ATG10: variants seen among roughly 807,000 people sequenced by gnomAD.
ATG10 encodes autophagy related 10, also known as ubiquitin-like-conjugating enzyme ATG10.
A neutral mutation model predicts 32.1 loss-of-function variants in ATG10; 30 were observed. That is an observed-to-expected ratio of 0.94 (90% confidence interval 0.70 to 1.27). The LOEUF (loss-of-function observed/expected upper bound fraction) is 1.27. ATG10 is among the 50% of genes most tolerant of loss of function. The probability of loss-of-function intolerance (pLI) is 0.00; values close to 1 mark genes in which losing one functional copy is unlikely to be tolerated. For missense variants in ATG10, 233 were observed against 262.3 expected, an observed-to-expected ratio of 0.89 and a Z score of 0.77; for synonymous variants, 87 against 91.5, an observed-to-expected ratio of 0.95 and a Z score of 0.28.
chr5:81,982,561 T>TTTTA (rs926882561), intron 1 of ATG10, among the ~76,000 whole-genome samples: 9 of 152,076 alleles, frequency 5.9e-5, no homozygotes, highest in East Asian at 3.9e-4. Context: ...TTTTTTCCCC[T>TTTTA]TTTATTTATT....
chr5:81,993,320 T>C (rs60326051), intron 2 of ATG10, among the ~76,000 whole-genome samples: 44,953 of 99,290 alleles, frequency 0.45, 12,340 homozygotes, highest in East Asian at 0.83. Flanking sequence ...CCTTTCTTTC[T>C]TTCTTTCCTT....
intron 4 of ATG10, among the ~76,000 whole-genome samples, chr5:82,177,322 T>TC (rs971246012): frequency 2.6e-5 from 4 of 152,288 alleles, no homozygotes; most frequent in African/African-American, 9.6e-5. Flanking sequence ...TAGTGCTTTT[T>TC]CCCCCAACAT....
intron 3 of ATG10, among the ~76,000 whole-genome samples, chr5:82,066,002 G>A (rs1763933040): frequency 6.6e-6 from 1 of 151,826 alleles, no homozygotes; most frequent in South Asian, 2.1e-4. Context: ...ATCGTGTCCA[G>A]CACTCATCCA....
intron 2 of ATG10, among the ~76,000 whole-genome samples, chr5:82,029,158 G>C (rs981494148): frequency 6.6e-6 from 1 of 152,182 alleles, no homozygotes; most frequent in Non-Finnish European, 1.5e-5. Flanking sequence ...CACTTGTAGA[G>C]TACAATTTAA....
At chr5:82,108,553 T>C (rs1765510162) in intron 3 of ATG10, among the ~76,000 whole-genome samples, 3 of 152,006 alleles carry the variant, frequency 2.0e-5, no homozygotes, top group Non-Finnish European at 2.9e-5. Context: ...AGATATATAT[T>C]GAAAATGTCA....
chr5:82,035,822 T>C lies in ATG10; in HGVS notation c.109-22673T>C, dbSNP rs960247028. On this transcript the variant is annotated intron_variant, in intron 2 of 7. Transcript: ENST00000282185. The stretch of plus-strand genomic sequence containing the variant: ...AGAGTAAAATATATTATTATAGTAT[T>C]CTTCATTTTCTATAGGTATTGCAAA... Among the ~76,000 whole-genome samples, 60 of 149,566 alleles carry C rather than the reference T, an allele frequency of 4.0e-4. 1 individual carries two copies. The highest frequency in any genetic ancestry group is 3.6e-3 in the Middle Eastern group (1 of 280).
chr5:81,993,356 TTTCC>T (rs1357008418), intron 2 of ATG10, among the ~76,000 whole-genome samples: 6 of 24,456 alleles, frequency 2.5e-4, no homozygotes, highest in Admixed American at 1.0e-3. Context: ...TCTTTCTTTC[TTTCC>T]TTCTTTTCTT....
At chr5:82,047,115 GA>G (rs1300385863) in intron 2 of ATG10, among the ~76,000 whole-genome samples, 1 of 151,110 alleles carries the variant, frequency 6.6e-6, no homozygotes, top group Non-Finnish European at 1.5e-5. Context: ...AACAAAGAGA[GA>G]AAAAAAATAA....
rs72778503 is a variant in ATG10 at position 82,207,227 on chromosome 5, T to C, written c.453+28640T>C. 8.9e-3 allele frequency among the ~76,000 whole-genome samples: 1,358 copies of C among 152,290 alleles called. 10 individuals are homozygous for C. The highest frequency in any genetic ancestry group is 0.012 in the Non-Finnish European group (789 of 68,018). ...GCATATATATGTTTAACTTTACTAG[T>C]TAATACCAAACAGCTTTCTAAAACT... is the stretch of plus-strand genomic sequence containing the variant. On this transcript the variant is annotated intron_variant, in intron 5 of 7. Coordinates refer to ENST00000282185, the MANE Select transcript of ATG10 (RefSeq NM_031482.5).
intron 2 of ATG10, among the ~76,000 whole-genome samples, chr5:81,995,153 CAG>C (rs1442906476): frequency 1.3e-5 from 2 of 152,020 alleles, no homozygotes; most frequent in East Asian, 3.9e-4. Context: ...TGTTTTGAGA[CAG>C]AGTCTCACTC....
rs553868145 is a variant in ATG10, at chr5:82,041,463, C to T, written c.109-17032C>T. Among the ~76,000 whole-genome samples, 40 of 152,046 alleles carry T rather than the reference C, an allele frequency of 2.6e-4. No homozygotes were observed. In the South Asian group the frequency reaches 8.1e-3, roughly 31 times the overall value. On this transcript the variant is annotated intron_variant, in intron 2 of 7. Coordinates refer to ENST00000282185, the MANE Select transcript of ATG10 (RefSeq NM_031482.5). ...TTACCTCTTGTCAAAACAGTGATAC[C>T]TGAAAATTGGGAACAAACTTTGGTA...
chr5:82,019,960 G>A (rs1184875320), intron 2 of ATG10, among the ~76,000 whole-genome samples: 1 of 152,214 alleles, frequency 6.6e-6, no homozygotes, highest in Non-Finnish European at 1.5e-5. Flanking sequence ...TGTAGAAGGG[G>A]GATGGTGACT....
intron 5 of ATG10, among the ~76,000 whole-genome samples, chr5:82,185,522 A>T (rs779503940): frequency 4.6e-5 from 7 of 152,188 alleles, no homozygotes; most frequent in Non-Finnish European, 8.8e-5. Context: ...AATACCACTG[A>T]GTTCCTTTTG....
chr5:82,117,267 A>C (rs1044872373), intron 3 of ATG10, among the ~76,000 whole-genome samples: 1 of 152,174 alleles, frequency 6.6e-6, no homozygotes, highest in Non-Finnish European at 1.5e-5. Flanking sequence ...AGAATTAGGA[A>C]ATGGAATGAG....
chr5:82,151,212 TTTAATA>T (rs1484606966), intron 3 of ATG10, among the ~76,000 whole-genome samples: 10 of 152,192 alleles, frequency 6.6e-5, no homozygotes, highest in Non-Finnish European at 8.8e-5. Context: ...TTTTGAAAAT[TTTAATA>T]TAATTTTTAT....
intron 3 of ATG10, among the ~76,000 whole-genome samples, chr5:82,064,580 A>T (rs969495496): frequency 2.6e-5 from 4 of 152,256 alleles, no homozygotes; most frequent in Non-Finnish European, 4.4e-5. Flanking sequence ...TGCCAGCATT[A>T]ATGCCTTCAT....
chr5:82,045,369 C>T (rs1480131362), intron 2 of ATG10, among the ~76,000 whole-genome samples: 1 of 151,966 alleles, frequency 6.6e-6, no homozygotes, highest in African/African-American at 2.4e-5. Context: ...TTTAAGGTCG[C>T]CAGTTTTCAA....
chr5:82,152,440 T>A (rs1441760823), intron 3 of ATG10, among the ~76,000 whole-genome samples: 2 of 152,246 alleles, frequency 1.3e-5, no homozygotes, highest in African/African-American at 4.8e-5. Flanking sequence ...ATTTGCCTGC[T>A]ATTTACATCT....
intron 2 of ATG10, among the ~76,000 whole-genome samples, chr5:81,993,028 A>G (rs1761505519): frequency 6.6e-6 from 1 of 152,168 alleles, no homozygotes; most frequent in Admixed American, 6.5e-5. Context: ...AAGGTGGTAC[A>G]CTTGTTACAC....
Sources: allele counts gnomAD v4.1 joint callset (sites outside exome capture counted in the v4.1 genomes callset), GRCh38; gene constraint gnomAD v4.1.1; transcripts MANE v1.5; gene names NCBI Gene and HGNC (gene_info 2026-07-23, HGNC 2026-07-21).